KIF2C: variants seen among roughly 807,000 people sequenced by gnomAD.
KIF2C encodes kinesin-like protein KIF2C.
KIF2C carries 34 observed loss-of-function variants against 97.4 expected under a neutral mutation model. The observed-to-expected ratio is 0.35, with a 90% CI of 0.27 to 0.46. KIF2C has a LOEUF of 0.46. KIF2C is among the 20% of genes least tolerant of loss of function. KIF2C has a pLI of 1.00. For synonymous variants in KIF2C, 313 were observed against 318.2 expected (o/e 0.98, Z 0.17); for missense variants, 750 against 907.6 (o/e 0.83, Z 2.23).
In KIF2C at chr1:44,757,861, T is replaced by G. The variant is rs201490864; in HGVS notation, c.1069-47T>G. ...TGAAGGAGCCAGTAGTGCTCTGCTC[T>G]AGGCCAACAGCCCTTTTCCATGGTC... On this transcript the variant is annotated intron_variant, in intron 11 of 20. Transcript: ENST00000372224. 36 of 1,586,784 alleles carry G rather than the reference T, an allele frequency of 2.3e-5. No homozygotes were observed. The East Asian group carries it at 7.2e-4, about 32-fold the overall frequency.
intron 4 of KIF2C, among the ~76,000 whole-genome samples, chr1:44,748,937 C>G (rs1209145936): frequency 6.6e-6 from 1 of 152,026 alleles, no homozygotes; most frequent in Non-Finnish European, 1.5e-5. Context: ...GCCTCAGCCT[C>G]CCAAAGTGCT....
intron 6 of KIF2C, 90 bp from the exon 7 acceptor site, chr1:44,753,643 C>G: frequency 1.2e-6 from 1 of 829,834 alleles, no homozygotes. Context: ...AGGCCCAGTA[C>G]TCAGTAAATA....
intron 2 of KIF2C, 62 bp from the exon 3 acceptor site, chr1:44,747,322 A>AT: frequency 2.2e-6 from 3 of 1,366,950 alleles, no homozygotes; most frequent in Non-Finnish European, 3.1e-6. Context: ...AAAAAAAAAA[A>AT]GAAAAAATGT....
At chr1:44,763,652 T>C (rs1650285034) in intron 19 of KIF2C, among the ~76,000 whole-genome samples, 1 of 152,064 alleles carries the variant, frequency 6.6e-6, no homozygotes, top group South Asian at 2.1e-4. Context: ...GCTTTAGATA[T>C]ATCATATGGC....
intron 19 of KIF2C, among the ~76,000 whole-genome samples, chr1:44,766,279 C>A (rs1650458898): frequency 6.6e-6 from 1 of 151,680 alleles, no homozygotes; most frequent in Admixed American, 6.6e-5. Context: ...GCATCAGGAC[C>A]AATGATGTTA....
chr1:44,762,021 A>G, intron 17 of KIF2C, 38 bp downstream of exon 17: 2 of 1,579,094 alleles, frequency 1.3e-6, no homozygotes, highest in Non-Finnish European at 1.7e-6. Context: ...GCGGAACAGG[A>G]CTGGGCAAGG....
intron 11 of KIF2C, 104 bp from the exon 12 acceptor site, chr1:44,757,804 C>A: frequency 7.8e-7 from 1 of 1,285,628 alleles, no homozygotes; most frequent in Non-Finnish European, 1.1e-6. Flanking sequence ...GCTTTAGGTC[C>A]AGCCTTCTGG....
In KIF2C at chr1:44,762,423, G is replaced by T. The variant is rs372918032; in HGVS notation, c.1829G>T (p.Cys610Phe). 3.0e-5 allele frequency: 49 copies of T among 1,614,084 alleles called. No homozygotes were observed. The highest frequency in any genetic ancestry group is 4.2e-5 in the Non-Finnish European group (49 of 1,180,030). ...IQMETEEMEA[C>F]SNGALIPGNL... Reference sequence around the variant, plus strand: ...ATGGAAACAGAAGAGATGGAAGCCTGCTCTAACGGGGCGCTGATTCCAGGC... The same window carrying T: ...ATGGAAACAGAAGAGATGGAAGCCTTCTCTAACGGGGCGCTGATTCCAGGC... The change falls in exon 18 of 21, where the codon TGC (cysteine) becomes TTC (phenylalanine). Residue 610 changes from cysteine to phenylalanine, a missense_variant. By Grantham distance (205) the Cys-to-Phe change is radical. Coordinates refer to ENST00000372224, the MANE Select transcript of KIF2C (RefSeq NM_006845.4).
Position 44,766,947 on chromosome 1 carries a change from G to A in KIF2C, c.2093G>A (p.Arg698Gln), listed in dbSNP as rs17856264. ...CAAGCCAAGCATTTCTCAGCCCTGC[G>A]AGGTGGGTGTGGCTGGATGGGGTGC... ...AQQAKHFSAL[R>Q]DVIKALRLAM... Residue 698 changes from arginine to glutamine, a missense_variant and splice_region_variant, in exon 20 of 21, where the codon CGA becomes CAA. Coordinates refer to ENST00000372224, the MANE Select transcript of KIF2C (RefSeq NM_006845.4). 806 of 1,614,214 alleles carry A rather than the reference G, an allele frequency of 5.0e-4. 8 individuals carry two copies. In the African/African-American group the frequency reaches 9.0e-3, roughly 18 times the overall value.
At chr1:44,761,549 A>G (rs922731507) in intron 16 of KIF2C, among the ~76,000 whole-genome samples, 1 of 151,902 alleles carries the variant, frequency 6.6e-6, no homozygotes, top group Non-Finnish European at 1.5e-5. Flanking sequence ...CAGAGCTTGC[A>G]GTGAGCTGAG....
At chr1:44,757,759 AC>A in intron 11 of KIF2C, 113 bp downstream of exon 11, 2 of 1,087,796 alleles carry the variant, frequency 1.8e-6, no homozygotes, top group Non-Finnish European at 2.8e-6. Flanking sequence ...ATGCCCCATC[AC>A]CAGATAGCCT....
chr1:44,741,243 G>A (rs550252070), intron 2 of KIF2C, among the ~76,000 whole-genome samples: 2 of 152,132 alleles, frequency 1.3e-5, no homozygotes, highest in South Asian at 2.1e-4. Flanking sequence ...TTAGCCAGTC[G>A]TGGTAGTGCA....
rs558981968 is a variant in KIF2C, at chr1:44,748,599, G to T, written c.316+899G>T. ...TTGGTTGTCCATGCTGGAATACCATGATATGATCGTAGCTCACTGTAGCCT... is the reference window on the plus strand; with the variant it reads ...TTGGTTGTCCATGCTGGAATACCATTATATGATCGTAGCTCACTGTAGCCT... On this transcript the variant is annotated intron_variant, in intron 4 of 20. Transcript: ENST00000372224. Among the ~76,000 whole-genome samples, 3 of 152,254 alleles carry T rather than the reference G, an allele frequency of 2.0e-5. No individual in the cohort carries two copies. The East Asian group carries it at 5.8e-4, about 29-fold the overall frequency.
Position 44,753,273 on chromosome 1 carries a change from C to A in KIF2C, c.562+19C>A. 1 of 1,601,314 alleles carries A rather than the reference C, an allele frequency of 6.2e-7. No individual in the cohort carries two copies. Among genetic ancestry groups the A allele is most frequent in the South Asian group, 1.1e-5 (1 of 90,302 alleles). On this transcript the variant is annotated intron_variant, in intron 6 of 20. Coordinates refer to ENST00000372224, the MANE Select transcript of KIF2C (RefSeq NM_006845.4). The stretch of plus-strand genomic sequence containing the variant: ...AACTCAGGTAGACACACTGAGCTGT[C>A]TGCTGTTCTGCTTCTAGTGAGGCAC...
rs1326750333 is a variant in KIF2C at position 44,760,638 on chromosome 1, G to A, written c.1619G>A (p.Arg540His). ...LGQNKAHTPF[R>H]ESKLTQVLRD... ...CAGAACAAGGCTCACACCCCGTTCC[G>A]TGAGAGCAAGCTGACACAGGTGCTG... The change falls in exon 16 of 21, where the codon CGT becomes CAT. Residue 540 changes from arginine to histidine, a missense_variant. Coordinates refer to ENST00000372224, the MANE Select transcript of KIF2C (RefSeq NM_006845.4). The surrounding 1 kb of genome is among the most constrained non-coding windows in gnomAD (Gnocchi z 4.2). 2 of 1,614,104 alleles carry A rather than the reference G, an allele frequency of 1.2e-6. No homozygotes were observed. Among genetic ancestry groups the A allele is most frequent in the African/African-American group, 1.3e-5 (1 of 74,940 alleles).
At position 44,739,893 on chromosome 1, in the gene KIF2C, T is replaced by C. The variant is rs769276814; in HGVS notation, c.-40T>C. 1 of 1,575,364 alleles carries C rather than the reference T, an allele frequency of 6.3e-7. No individual in the cohort carries two copies. The highest frequency in any genetic ancestry group is 8.7e-7 in the Non-Finnish European group (1 of 1,144,730). On this transcript the variant is annotated 5_prime_UTR_variant, in exon 1 of 21. Coordinates refer to ENST00000372224, the MANE Select transcript of KIF2C (RefSeq NM_006845.4). ...TCGTAGGGTTAGCGAAATTGAGGTT[T>C]CTTGGTATTGCGCGTTTCTCTTCCT... is the stretch of plus-strand genomic sequence containing the variant.
chr1:44,756,249 GCATCCATTTTTCCCTCCTTGTGCCCTTC>G lies in KIF2C; in HGVS notation c.977+18_977+45del, dbSNP rs1649825060. On this transcript the variant is annotated intron_variant, in intron 10 of 20. Coordinates refer to ENST00000372224, the MANE Select transcript of KIF2C (RefSeq NM_006845.4). The stretch of plus-strand genomic sequence containing the variant: ...GAAGTTGTCTACAGGTTAGTCCCTT[GCATCCATTTTTCCCTCCTTGTGCCCTTC>G]CATCCCCTTTTTTTGTGGGACATCG... The G allele has an allele frequency of 6.2e-7, 1 of 1,611,960 alleles. No individual in the cohort carries two copies.
rs570228448 is a variant in KIF2C at position 44,755,766 on chromosome 1, G to C, written c.760-163G>C. On this transcript the variant is annotated intron_variant, in intron 8 of 20. Coordinates refer to ENST00000372224, the MANE Select transcript of KIF2C (RefSeq NM_006845.4). The stretch of plus-strand genomic sequence containing the variant: ...GAACAAAATCCAGTGCTCCCTTCTT[G>C]TGCTCTGGAGTATCTAATGGAGGAT... Among the ~76,000 whole-genome samples the C allele has an allele frequency of 3.3e-5, 5 of 152,308 alleles. No homozygotes were observed. In the East Asian group the frequency reaches 9.6e-4, roughly 29 times the overall value.
intron 1 of KIF2C, 42 bp from the exon 2 acceptor site, chr1:44,740,871 C>G (rs776899338): frequency 1.2e-5 from 16 of 1,389,038 alleles, no homozygotes; most frequent in Non-Finnish European, 1.6e-5. Context: ...GTGAAGCTCT[C>G]AGGAAAGAGA....
Sources: gnomAD v4.1 joint callset for allele counts (sites outside exome capture counted in the v4.1 genomes callset) on GRCh38, gnomAD v4.1.1 for gene constraint, Gnocchi (gnomAD v3.1) non-coding constraint, MANE v1.5 for transcripts, NCBI Gene and HGNC (gene_info 2026-07-23, HGNC 2026-07-21) for gene names.